The following PKD1L1 variants were observed in gnomAD, a reference collection of about 807,000 sequenced individuals.
PKD1L1 encodes polycystin-1-like protein 1.
Under a neutral mutation model 323.4 loss-of-function variants are expected in PKD1L1, and 236 were observed. The observed-to-expected ratio is 0.73, with a 90% CI of 0.66 to 0.81. PKD1L1 has a LOEUF of 0.81. Ranked by LOEUF, PKD1L1 falls within the 40% of genes least tolerant of loss-of-function variation. The pLI is 0.00. For synonymous variants in PKD1L1, 1,344 were observed against 1,335.0 expected, an observed-to-expected ratio of 1.01 and a Z score of -0.15; for missense variants, 3,320 against 3,508.0, an observed-to-expected ratio of 0.95 and a Z score of 1.35.
At chr7:47,866,363 C>T (rs1464068662) in intron 25 of PKD1L1, 56 bp downstream of exon 25, 2 of 1,558,870 alleles carry the variant, frequency 1.3e-6, no homozygotes, top group East Asian at 4.5e-5. Context: ...CAGTCATGAG[C>T]CCTGCCACTT....
chr7:47,890,459 C>T, intron 16 of PKD1L1, 83 bp downstream of exon 16: 1 of 1,380,338 alleles, frequency 7.2e-7, no homozygotes, highest in Middle Eastern at 2.2e-4. Flanking sequence ...TTGCTGTGCA[C>T]AGCAGATTCC....
intron 19 of PKD1L1, among the ~76,000 whole-genome samples, chr7:47,883,133 A>G (rs948309116): frequency 2.0e-5 from 3 of 152,272 alleles, no homozygotes; most frequent in African/African-American, 7.2e-5. Context: ...GTGAGCCTCT[A>G]CAACAGATCT....
Position 47,815,394 on chromosome 7 carries a change from G to T in PKD1L1, c.7029C>A (p.Thr2343=). The change falls in exon 47 of 57, where the codon ACC becomes ACA. Residue 2343 remains threonine, a synonymous_variant. Transcript: ENST00000289672. ...CCGGGTACAGGCCATCCAGAAGTGT[G>T]GTCAGACTCCAGTCCCACCAGTCAG... ...NIADWWDWSL[T]TLLDGLYPGG... The T allele has an allele frequency of 6.2e-7, 1 of 1,614,110 alleles. No homozygotes were observed. The highest frequency in any genetic ancestry group is 8.5e-7 in the Non-Finnish European group (1 of 1,180,002).
chr7:47,954,380 G>A, the PKD1L1 span, among the ~76,000 whole-genome samples: 1 of 152,228 alleles, frequency 6.6e-6, no homozygotes, highest in South Asian at 2.1e-4. Context: ...GGCAGAGCCT[G>A]ATGAGAAGTG....
chr7:47,867,402 G>A (rs2123612), intron 24 of PKD1L1, among the ~76,000 whole-genome samples: 18,779 of 152,102 alleles, frequency 0.12, 1,259 homozygotes, highest in South Asian at 0.18. Flanking sequence ...TACAGAATTC[G>A]TCTTGCCAAA....
intron 56 of PKD1L1, among the ~76,000 whole-genome samples, chr7:47,789,454 T>C (rs1786888801): frequency 6.6e-6 from 1 of 152,258 alleles, no homozygotes; most frequent in Non-Finnish European, 1.5e-5. Context: ...TCAATTTAAT[T>C]GTTCGTAAAA....
At chr7:47,799,120 T>C (rs1226279718) in intron 54 of PKD1L1, among the ~76,000 whole-genome samples, 1 of 152,226 alleles carries the variant, frequency 6.6e-6, no homozygotes, top group Non-Finnish European at 1.5e-5. Context: ...TGCCTGAATA[T>C]AATGGGCATT....
intron 41 of PKD1L1, among the ~76,000 whole-genome samples, chr7:47,832,061 T>A (rs879349006): frequency 2.6e-5 from 4 of 152,272 alleles, no homozygotes; most frequent in Admixed American, 2.6e-4. Context: ...AGAGGCAGGA[T>A]GCCATGTCAA....
chr7:47,894,778 T>C (rs577437648), intron 14 of PKD1L1, among the ~76,000 whole-genome samples: 1 of 149,052 alleles, frequency 6.7e-6, no homozygotes. Flanking sequence ...TTGAACCCAG[T>C]AGCCCAGAGG....
chr7:47,806,323 G>A (rs971813610), intron 52 of PKD1L1, among the ~76,000 whole-genome samples: 6 of 152,248 alleles, frequency 3.9e-5, no homozygotes, highest in African/African-American at 9.6e-5. Flanking sequence ...GCTGTGCACT[G>A]AGAGACAGAA....
intron 2 of PKD1L1, among the ~76,000 whole-genome samples, chr7:47,943,165 T>A (rs6958176): frequency 0.3 from 8,302 of 27,424 alleles, 321 homozygotes; most frequent in Non-Finnish European, 0.36. Context: ...AAAAAAAAAA[T>A]ATATATATAT....
At chr7:47,834,233 C>T in intron 40 of PKD1L1, 106 bp downstream of exon 40, 1 of 1,150,530 alleles carries the variant, frequency 8.7e-7, no homozygotes. Flanking sequence ...CACCTTGAGC[C>T]TGACCCATCC....
chr7:47,830,738 C>T (rs569293063), intron 42 of PKD1L1, among the ~76,000 whole-genome samples: 2 of 152,212 alleles, frequency 1.3e-5, no homozygotes, highest in East Asian at 1.9e-4. Flanking sequence ...CTGGGGTCTC[C>T]GATGGCGAGT....
intron 9 of PKD1L1, 55 bp downstream of exon 9, chr7:47,908,022 C>A: frequency 6.5e-7 from 1 of 1,544,940 alleles, no homozygotes; most frequent in Non-Finnish European, 8.8e-7. Flanking sequence ...GCGGAGATAC[C>A]CTGCTTCATT....
chr7:47,834,457 G>T, intron 39 of PKD1L1, 72 bp from the exon 40 acceptor site: 3 of 1,238,040 alleles, frequency 2.4e-6, no homozygotes, highest in Non-Finnish European at 3.5e-6. Context: ...TATGTTTAAG[G>T]ATTAGCGGGG....
At chr7:47,937,086 G>A (rs762444006) in intron 3 of PKD1L1, 128 bp from the exon 4 acceptor site, 65 of 665,588 alleles carry the variant, frequency 9.8e-5, no homozygotes, top group Admixed American at 3.3e-4. Context: ...ACTGTGCTGG[G>A]CACCAGAGAA....
At chr7:47,785,950 C>T (rs1786797746) in intron 56 of PKD1L1, among the ~76,000 whole-genome samples, 2 of 152,148 alleles carry the variant, frequency 1.3e-5, no homozygotes, top group African/African-American at 2.4e-5. Context: ...CTACGTTGAC[C>T]AAGCTGGTCT....
upstream of PKD1L1, among the ~76,000 whole-genome samples, chr7:47,949,096 C>T (rs548312449): frequency 4.0e-5 from 6 of 151,866 alleles, no homozygotes; most frequent in South Asian, 2.1e-4. Flanking sequence ...GTTGGCTGGG[C>T]GCGGTGGCTC....
chr7:47,958,840 CCT>C, the PKD1L1 span, among the ~76,000 whole-genome samples: 91 of 152,070 alleles, frequency 6.0e-4, no homozygotes, highest in Non-Finnish European at 9.3e-4. Flanking sequence ...TCTCCCTCTC[CCT>C]CTCTTTCCAC....
Sources: gnomAD v4.1 joint callset for allele counts (sites outside exome capture counted in the v4.1 genomes callset) on GRCh38, gnomAD v4.1.1 for gene constraint, MANE v1.5 for transcripts, NCBI Gene and HGNC (gene_info 2026-07-23, HGNC 2026-07-21) for gene names.